The following SKP2 variants were observed in gnomAD, a reference collection of about 807,000 sequenced individuals.
SKP2 encodes the protein S-phase kinase associated protein 2.
A neutral mutation model predicts 51.8 loss-of-function variants in SKP2; 16 were observed. That is an observed-to-expected ratio of 0.31 (90% CI 0.21 to 0.47). The LOEUF (loss-of-function observed/expected upper bound fraction) is 0.47. Ranked by LOEUF, SKP2 falls within the 20% of genes least tolerant of loss-of-function variation. The probability of loss-of-function intolerance (pLI) is 1.00; values close to 1 mark genes in which losing one functional copy is unlikely to be tolerated. For missense variants in SKP2, 377 were observed against 505.3 expected (o/e 0.75, Z 2.43); for synonymous variants, 176 against 198.6 (o/e 0.89, Z 0.96).
chr5:36,175,081 T>G (rs1386894500), intron 7 of SKP2, among the ~76,000 whole-genome samples: 15 of 152,060 alleles, frequency 9.9e-5, no homozygotes, highest in African/African-American at 3.4e-4. Flanking sequence ...CGGGGAAGTA[T>G]GAAGCAGGGA....
At chr5:36,188,792 G>C (rs1236198948), downstream of SKP2, among the ~76,000 whole-genome samples, 1 of 152,060 alleles carries the variant, frequency 6.6e-6, no homozygotes, top group African/African-American at 2.4e-5. Flanking sequence ...TGTAAGTTGG[G>C]GACATTCTCC....
chr5:36,181,705 C>T, intron 9 of SKP2, 113 bp from the exon 10 acceptor site: 1 of 1,072,554 alleles, frequency 9.3e-7, no homozygotes, highest in Admixed American at 2.1e-5. Context: ...GTAAATTACA[C>T]TTTCAGACTG....
chr5:36,152,696 A>G, intron 1 of SKP2, 75 bp from the exon 2 acceptor site: 1 of 1,486,322 alleles, frequency 6.7e-7, no homozygotes, highest in Non-Finnish European at 9.2e-7. Flanking sequence ...CATAAACTGC[A>G]GCTTCTTTAA....
chr5:36,167,322 A>G (rs1436948172), intron 4 of SKP2, among the ~76,000 whole-genome samples: 1 of 152,006 alleles, frequency 6.6e-6, no homozygotes, highest in Non-Finnish European at 1.5e-5. Flanking sequence ...CGCCTCTCCC[A>G]CTGCTTTTTA....
At chr5:36,161,131 A>G (rs767692669) in intron 2 of SKP2, among the ~76,000 whole-genome samples, 1 of 152,060 alleles carries the variant, frequency 6.6e-6, no homozygotes, top group Non-Finnish European at 1.5e-5. Context: ...GTTTGTCTAT[A>G]TCTCTCAAAC....
At chr5:36,192,196 C>T (rs1746042125) in intron 6 of SKP2, among the ~76,000 whole-genome samples, 1 of 152,052 alleles carries the variant, frequency 6.6e-6, no homozygotes, top group South Asian at 2.1e-4. Flanking sequence ...TGACTTATGC[C>T]CCAATCCCTT....
At chr5:36,160,226 G>A (rs941039135) in intron 2 of SKP2, among the ~76,000 whole-genome samples, 3 of 152,212 alleles carry the variant, frequency 2.0e-5, no homozygotes, top group African/African-American at 7.2e-5. Context: ...CAAATGTGTT[G>A]AGGAGGCCCA....
At chr5:36,163,007 A>G (rs1291047769) in intron 2 of SKP2, among the ~76,000 whole-genome samples, 1 of 152,174 alleles carries the variant, frequency 6.6e-6, no homozygotes, top group East Asian at 1.9e-4. Context: ...GGCGGTTATC[A>G]CCAGGTAACC....
intron 9 of SKP2, among the ~76,000 whole-genome samples, chr5:36,178,411 CA>C (rs1182697004): frequency 2.0e-5 from 3 of 152,144 alleles, no homozygotes; most frequent in Non-Finnish European, 4.4e-5. Context: ...GGAAATCTGG[CA>C]GCTACGCATT....
downstream of SKP2, among the ~76,000 whole-genome samples, chr5:36,188,769 G>A (rs1389965426): frequency 1.3e-5 from 2 of 152,122 alleles, no homozygotes; most frequent in Non-Finnish European, 2.9e-5. Context: ...GAATTTGAAT[G>A]TTGGCCTGCC....
At chr5:36,181,630 A>G (rs532095690) in intron 9 of SKP2, among the ~76,000 whole-genome samples, 188 bp from the exon 10 acceptor site, 1 of 152,326 alleles carries the variant, frequency 6.6e-6, no homozygotes, top group East Asian at 1.9e-4. Context: ...TCCTAATGAC[A>G]TGTTGCTCAA....
At position 36,177,238 on chromosome 5, in the gene SKP2, A is replaced by G. The variant is rs755864156; in HGVS notation, c.1007A>G (p.Tyr336Cys). Reference sequence around the variant, plus strand: ...TTTCAGGAATTTTTCCAGCTCAACTACCTCCAACACCTATCACTCAGTCGG... The same window carrying G: ...TTTCAGGAATTTTTCCAGCTCAACTGCCTCCAACACCTATCACTCAGTCGG... Reference protein sequence around the residue: ...DCFQEFFQLNYLQHLSLSRCY... With the variant: ...DCFQEFFQLNCLQHLSLSRCY... Residue 336 changes from tyrosine (Y) to cysteine (C), a missense_variant, in exon 9 of 10, where the codon TAC (tyrosine) becomes TGC (cysteine). Coordinates refer to ENST00000274255, the MANE Select transcript of SKP2 (RefSeq NM_005983.4). 4 of 1,612,176 alleles carry G rather than the reference A, an allele frequency of 2.5e-6. No individual in the cohort carries two copies. The highest frequency in any genetic ancestry group is 2.2e-5 in the South Asian group (2 of 91,044).
chr5:36,189,960 G>C (rs1382022899), intron 6 of SKP2, among the ~76,000 whole-genome samples: 1 of 152,172 alleles, frequency 6.6e-6, no homozygotes, highest in Non-Finnish European at 1.5e-5. Context: ...CTTGCAGTTC[G>C]ATCTCAGACT....
Position 36,162,062 on chromosome 5 carries a change from C to T in SKP2, c.281-1583C>T, listed in dbSNP as rs111800642. 3.9e-3 allele frequency among the ~76,000 whole-genome samples: 592 copies of T among 152,282 alleles called. 5 individuals are homozygous for T. Among genetic ancestry groups the T allele is most frequent in the African/African-American group, 0.013 (533 of 41,550 alleles). ...AGATTGCTTCTATGAAAGAAAACTGCGCTTCCTGCATCCACCTTTCTGTTC... is the reference window on the plus strand; with the variant it reads ...AGATTGCTTCTATGAAAGAAAACTGTGCTTCCTGCATCCACCTTTCTGTTC... On this transcript the variant is annotated intron_variant, in intron 2 of 9. Transcript: ENST00000274255.
rs1745910750 is a variant in SKP2 at position 36,184,286 on chromosome 5, A to G, written c.*2255A>G. 1 of 196,516 alleles carries G rather than the reference A, an allele frequency of 5.1e-6. No individual in the cohort carries two copies. Among genetic ancestry groups the G allele is most frequent in the African/African-American group, 2.4e-5 (1 of 42,368 alleles). 12.2% of individuals were successfully genotyped at this position (196,516 alleles called of 1,614,324 possible). On this transcript the variant is annotated 3_prime_UTR_variant, in exon 10 of 10. Transcript: ENST00000274255. ...ATCTTTTTTTTTAAATTATACTTTA[A>G]GTTCTAGGGTACATGTGCACAACGT...
In SKP2 at chr5:36,183,668, TAA is replaced by T. The variant is rs985812057; in HGVS notation, c.*1638_*1639del. 2 of 1,247,020 alleles carry T rather than the reference TAA, an allele frequency of 1.6e-6. No homozygotes were observed. Among genetic ancestry groups the T allele is most frequent in the Non-Finnish European group, 2.0e-6 (2 of 990,614 alleles). 77.2% of individuals were successfully genotyped at this position (1,247,020 alleles called of 1,614,324 possible). ...AAAAGCTAACACCAGTCATTTATATTAACTTTTTTTTTTTAAATCAAAAATTG... is the reference window on the plus strand; with the variant it reads ...AAAAGCTAACACCAGTCATTTATATTCTTTTTTTTTTTAAATCAAAAATTG... On this transcript the variant is annotated 3_prime_UTR_variant, in exon 10 of 10. Transcript: ENST00000274255.
In SKP2 at chr5:36,182,660, A is replaced by T; in HGVS notation, c.*629A>T. On this transcript the variant is annotated 3_prime_UTR_variant, in exon 10 of 10. Coordinates refer to ENST00000274255, the MANE Select transcript of SKP2 (RefSeq NM_005983.4). Reference sequence around the variant, plus strand: ...ACCAAACATTACAAAACCCAGAGATATAGAATCAATATAGGATTTGAAGGC... The same window carrying T: ...ACCAAACATTACAAAACCCAGAGATTTAGAATCAATATAGGATTTGAAGGC... The T allele has an allele frequency of 1.0e-6, 1 of 976,190 alleles. No individual in the cohort carries two copies. Among genetic ancestry groups the T allele is most frequent in the Non-Finnish European group, 1.2e-6 (1 of 821,482 alleles). The allele number at this position is 976,190 out of a possible 1,614,324, so 60.5% of individuals were successfully genotyped here. A position where few individuals can be genotyped will look rare whatever the true frequency, so the allele number is the denominator to read the frequency against.
intron 9 of SKP2, chr5:36,180,372 A>G (rs183242546): frequency 4.3e-4 from 266 of 625,454 alleles, no homozygotes; most frequent in Non-Finnish European, 6.3e-4. Context: ...AGTTTACTTA[A>G]TGACAGCAAT....
chr5:36,183,092 C>G lies in SKP2; in HGVS notation c.*1061C>G, dbSNP rs191975890. ...TTCCCTAAGAGGAACTGCATGTTCTCTTCAATCAGAAATATACAGTAGAAG... is the reference window on the plus strand; with the variant it reads ...TTCCCTAAGAGGAACTGCATGTTCTGTTCAATCAGAAATATACAGTAGAAG... On this transcript the variant is annotated 3_prime_UTR_variant, in exon 10 of 10. Coordinates refer to ENST00000274255, the MANE Select transcript of SKP2 (RefSeq NM_005983.4). The G allele has an allele frequency of 1.1e-4, 112 of 984,010 alleles. No individual in the cohort carries two copies. Among genetic ancestry groups the G allele is most frequent in the Non-Finnish European group, 1.0e-4 (86 of 828,766 alleles). 61.0% of individuals were successfully genotyped at this position (984,010 alleles called of 1,614,324 possible).
Sources: gnomAD v4.1 joint callset for allele counts (sites outside exome capture counted in the v4.1 genomes callset) on GRCh38, gnomAD v4.1.1 for gene constraint, MANE v1.5 for transcripts, NCBI Gene and HGNC (gene_info 2026-07-23, HGNC 2026-07-21) for gene names.